PRICKLE1: variants seen among roughly 807,000 people sequenced by gnomAD.
PRICKLE1 encodes the protein prickle planar cell polarity protein 1.
PRICKLE1 carries 14 observed loss-of-function variants against 70.2 expected under a neutral mutation model. That is an observed-to-expected ratio of 0.20 (90% confidence interval 0.13 to 0.31). The LOEUF (loss-of-function observed/expected upper bound fraction) is 0.31, where lower values mean the gene tolerates loss of function less well. Ranked by LOEUF, PRICKLE1 falls within the 10% of genes least tolerant of loss-of-function variation. The pLI is 1.00. For synonymous variants in PRICKLE1, 357 were observed against 379.9 expected, an observed-to-expected ratio of 0.94 and a Z score of 0.70; for missense variants, 821 against 1,026.2, an observed-to-expected ratio of 0.80 and a Z score of 2.73.
chr12:42,540,191 C>A (rs527779734), intron 1 of PRICKLE1, among the ~76,000 whole-genome samples: 1 of 152,350 alleles, frequency 6.6e-6, no homozygotes, highest in South Asian at 2.1e-4. Flanking sequence ...TAAGATTCCT[C>A]AAACTCCCAC....
intron 1 of PRICKLE1, among the ~76,000 whole-genome samples, chr12:42,488,276 A>G (rs1380451933): frequency 6.6e-6 from 1 of 152,174 alleles, no homozygotes; most frequent in African/African-American, 2.4e-5. Context: ...TGACACTAAT[A>G]CCAGATAGGT....
intron 1 of PRICKLE1, among the ~76,000 whole-genome samples, chr12:42,494,934 A>G (rs1939168514): frequency 6.9e-6 from 1 of 145,716 alleles, no homozygotes; most frequent in South Asian, 2.2e-4. Flanking sequence ...TTTTGCTCTC[A>G]CCATGGCTAG....
At position 42,469,603 on chromosome 12, in the gene PRICKLE1, A is replaced by C; in HGVS notation, c.247-16T>G. 1 of 1,613,864 alleles carries C rather than the reference A, an allele frequency of 6.2e-7. No homozygotes were observed. The highest frequency in any genetic ancestry group is 8.5e-7 in the Non-Finnish European group (1 of 1,180,036). On this transcript the variant is annotated splice_polypyrimidine_tract_variant and intron_variant, in intron 3 of 7. Transcript: ENST00000345127. ...AATACCGTACCTTCACAGAAAGCAA[A>C]ACAGAAACACCACACTGAGTGCACA...
chr12:42,488,051 A>G (rs1312241077), intron 1 of PRICKLE1, among the ~76,000 whole-genome samples: 1 of 152,180 alleles, frequency 6.6e-6, no homozygotes, highest in African/African-American at 2.4e-5. Context: ...CAAAACATAA[A>G]TAAATAAAAT....
intron 1 of PRICKLE1, among the ~76,000 whole-genome samples, chr12:42,493,097 G>A (rs1250252056): frequency 6.6e-6 from 1 of 151,990 alleles, no homozygotes; most frequent in Admixed American, 6.6e-5. Context: ...GAGTTTCAAT[G>A]TTCCAATTCA....
intron 1 of PRICKLE1, among the ~76,000 whole-genome samples, chr12:42,553,537 C>CGGG (rs796727351): frequency 1.3e-4 from 2 of 15,766 alleles, no homozygotes; most frequent in Non-Finnish European, 3.2e-4. Flanking sequence ...GTGGGTGGGG[C>CGGG]GGGGGGGGTC....
chr12:42,583,461 G>A (rs1940937440), intron 1 of PRICKLE1, among the ~76,000 whole-genome samples: 1 of 152,114 alleles, frequency 6.6e-6, no homozygotes, highest in South Asian at 2.1e-4. Flanking sequence ...GCATCTTTTG[G>A]TGGGCTATTC....
chr12:42,465,607 A>G, intron 6 of PRICKLE1: 2 of 307,150 alleles, frequency 6.5e-6, no homozygotes, highest in South Asian at 8.3e-5. Context: ...TGGTCTATCT[A>G]CTGCCGCGTT....
chr12:42,549,326 C>T (rs1408193897), intron 1 of PRICKLE1, among the ~76,000 whole-genome samples: 2 of 152,064 alleles, frequency 1.3e-5, no homozygotes, highest in Non-Finnish European at 2.9e-5. Context: ...AATCCACATC[C>T]TAAGGAATTC....
chr12:42,561,627 C>T (rs1405034490), intron 1 of PRICKLE1, among the ~76,000 whole-genome samples: 1 of 152,134 alleles, frequency 6.6e-6, no homozygotes, highest in Non-Finnish European at 1.5e-5. Context: ...ATGTCTGTTA[C>T]AAATCCTCAC....
At position 42,459,366 on chromosome 12, in the gene PRICKLE1, G is replaced by C. The variant is rs1446813624; in HGVS notation, c.*443C>G. On this transcript the variant is annotated 3_prime_UTR_variant, in exon 8 of 8. Transcript: ENST00000345127. ...ACAATAAGATGCACAGTGTTAGCTA[G>C]GTCATCGTGACAGGCATGCCTCACA... 5 of 702,226 alleles carry C rather than the reference G, an allele frequency of 7.1e-6. No homozygotes were observed. The highest frequency in any genetic ancestry group is 1.7e-5 in the African/African-American group (1 of 57,214). 43.5% of individuals were successfully genotyped at this position (702,226 alleles called of 1,614,324 possible).
At chr12:42,560,149 ATTT>A (rs1335883721) in intron 1 of PRICKLE1, among the ~76,000 whole-genome samples, 50 of 130,446 alleles carry the variant, frequency 3.8e-4, no homozygotes, top group Non-Finnish European at 7.6e-4. Context: ...TATTATTATT[ATTT>A]TTGAGGCAGA....
At position 42,464,312 on chromosome 12, in the gene PRICKLE1, C is replaced by T. The variant is rs376919824; in HGVS notation, c.1639+83G>A. On this transcript the variant is annotated intron_variant, in intron 7 of 7. Transcript: ENST00000345127. This position sits in a 1 kb window ranked among gnomAD's most constrained non-coding sequence, Gnocchi z 4.2. ...CTGGAATTATAGGCATGAGCCACTG[C>T]GCCTGGCTTGAATTGCAATTTTTTG... The T allele has an allele frequency of 3.0e-5, 46 of 1,548,234 alleles. No homozygotes were observed. The highest frequency in any genetic ancestry group is 5.0e-5 in the Admixed American group (3 of 59,928).
intron 1 of PRICKLE1, among the ~76,000 whole-genome samples, chr12:42,489,327 T>G (rs1939048519): frequency 6.6e-6 from 1 of 151,698 alleles, no homozygotes; most frequent in Non-Finnish European, 1.5e-5. Flanking sequence ...TACTACAATA[T>G]TAATATATGG....
At chr12:42,501,508 C>CAA (rs879927442) in intron 1 of PRICKLE1, among the ~76,000 whole-genome samples, 39 of 55,500 alleles carry the variant, frequency 7.0e-4, no homozygotes, top group Non-Finnish European at 8.9e-4. Flanking sequence ...GACTCCATCT[C>CAA]AAAAAAAAAA....
chr12:42,534,833 CT>C (rs1939990808), intron 1 of PRICKLE1, among the ~76,000 whole-genome samples: 1 of 152,148 alleles, frequency 6.6e-6, no homozygotes, highest in Non-Finnish European at 1.5e-5. Context: ...ATAAACCTAC[CT>C]ATGAACAAAA....
chr12:42,472,689 C>T (rs1372967477), intron 1 of PRICKLE1, 125 bp from the exon 2 acceptor site: 2 of 761,492 alleles, frequency 2.6e-6, no homozygotes, highest in Non-Finnish European at 4.3e-6. Flanking sequence ...AACCAAATTA[C>T]TACTGTCACC....
intron 1 of PRICKLE1, among the ~76,000 whole-genome samples, chr12:42,492,697 C>T (rs1258747433): frequency 3.9e-5 from 6 of 152,210 alleles, no homozygotes; most frequent in African/African-American, 7.2e-5. Context: ...TTGAATCACA[C>T]GCAGCTCTAG....
Position 42,460,233 on chromosome 12 carries a change from G to C in PRICKLE1, c.2072C>G (p.Thr691Arg). ...GTCCTTGGGAGAGTATTTTCTTTCTGTAACAAGATTCAGGGCATTGTCGGA... is the reference window on the plus strand; with the variant it reads ...GTCCTTGGGAGAGTATTTTCTTTCTCTAACAAGATTCAGGGCATTGTCGGA... ...SRSDNALNLV[T>R]ERKYSPKDRL... The change falls in exon 8 of 8, where the codon ACA (threonine) becomes AGA (arginine). Residue 691 changes from threonine to arginine, a missense_variant. Transcript: ENST00000345127. 6.2e-7 allele frequency: 1 copy of C among 1,614,144 alleles called. No individual in the cohort carries two copies. Among genetic ancestry groups the C allele is most frequent in the African/African-American group, 1.3e-5 (1 of 75,032 alleles).
Sources: gnomAD v4.1 joint callset for allele counts (sites outside exome capture counted in the v4.1 genomes callset) on GRCh38, gnomAD v4.1.1 for gene constraint, Gnocchi (gnomAD v3.1) non-coding constraint, MANE v1.5 for transcripts, NCBI Gene and HGNC (gene_info 2026-07-23, HGNC 2026-07-21) for gene names.